MYO3A: variants seen among roughly 807,000 people sequenced by gnomAD.
The protein encoded by MYO3A is myosin IIIA, also known as myosin-IIIa.
In MYO3A, 180 loss-of-function variants were observed where a neutral mutation model predicts 192.7. That is an observed-to-expected ratio of 0.93 (90% CI 0.83 to 1.06). The LOEUF (loss-of-function observed/expected upper bound fraction) is 1.06. MYO3A is among the 50% of genes least tolerant of loss of function. The probability of loss-of-function intolerance (pLI) is 0.00; values close to 1 mark genes in which losing one functional copy is unlikely to be tolerated. For missense variants in MYO3A, 1,896 were observed against 1,905.0 expected (o/e 1.00, Z 0.09); for synonymous variants, 628 against 645.3 (o/e 0.97, Z 0.41).
chr10:25,987,937 A>G (rs1219887094), intron 4 of MYO3A, among the ~76,000 whole-genome samples: 1 of 152,244 alleles, frequency 6.6e-6, no homozygotes, highest in Non-Finnish European at 1.5e-5. Context: ...AATTGCAAAA[A>G]CATGGAACCA....
intron 31 of MYO3A, among the ~76,000 whole-genome samples, chr10:26,177,629 G>C (rs935056481): frequency 6.6e-6 from 1 of 152,180 alleles, no homozygotes; most frequent in Non-Finnish European, 1.5e-5. Flanking sequence ...TAAAGTTCAG[G>C]AGTCCCACGA....
intron 12 of MYO3A, among the ~76,000 whole-genome samples, chr10:26,069,365 G>C (rs1357311990): frequency 2.0e-5 from 3 of 151,962 alleles, no homozygotes; most frequent in Non-Finnish European, 4.4e-5. Context: ...CATGTTTTAT[G>C]AATATGAATA....
intron 17 of MYO3A, among the ~76,000 whole-genome samples, chr10:26,098,067 C>T (rs1324881101): frequency 6.6e-6 from 1 of 152,198 alleles, no homozygotes; most frequent in African/African-American, 2.4e-5. Context: ...TCCACATCCT[C>T]TCCAGCACCT....
At chr10:26,170,019 T>TA (rs923684125) in intron 28 of MYO3A, among the ~76,000 whole-genome samples, 2 of 152,098 alleles carry the variant, frequency 1.3e-5, no homozygotes, top group African/African-American at 4.8e-5. Context: ...TTCTAAAACT[T>TA]AAAAAAAATT....
rs762756894 is a variant in MYO3A, at chr10:26,021,613, C to G, written c.696C>G (p.Asp232Glu). Residue 232 changes from aspartate (D) to glutamate (E), a missense_variant, in exon 8 of 35, where the codon GAC (aspartate) becomes GAG (glutamate). Transcript: ENST00000642920. ...ELGDGDPPLA[D>E]LHPMRALFKI... is the part of the protein sequence containing the mutation. ...GTGATGGAGATCCTCCACTAGCTGA[C>G]CTTCATCCCATGAGAGCACTCTTCA... 9.3e-6 allele frequency: 15 copies of G among 1,613,980 alleles called. No individual in the cohort carries two copies. In the Admixed American group the frequency reaches 2.5e-4, roughly 27 times the overall value.
At chr10:25,958,592 T>A (rs931250976) in intron 4 of MYO3A, among the ~76,000 whole-genome samples, 11 of 152,210 alleles carry the variant, frequency 7.2e-5, no homozygotes, top group South Asian at 4.1e-4. Flanking sequence ...TGGTTCCACA[T>A]GAATTTTAAA....
At chr10:26,167,910 C>T (rs1178072359) in intron 27 of MYO3A, among the ~76,000 whole-genome samples, 1 of 152,128 alleles carries the variant, frequency 6.6e-6, no homozygotes, top group Non-Finnish European at 1.5e-5. Context: ...ATTCAATAAA[C>T]TCTTTGAGAT....
chr10:26,163,943 G>A (rs765641499), intron 26 of MYO3A, among the ~76,000 whole-genome samples: 6 of 152,014 alleles, frequency 3.9e-5, no homozygotes, highest in Non-Finnish European at 8.8e-5. Flanking sequence ...GGAGAGGCAG[G>A]GGACATTAGG....
At chr10:26,063,060 G>T (rs1834608766) in intron 10 of MYO3A, among the ~76,000 whole-genome samples, 1 of 152,142 alleles carries the variant, frequency 6.6e-6, no homozygotes, top group Non-Finnish European at 1.5e-5. Context: ...TCCTGCGGAG[G>T]GGTAAATAAT....
chr10:26,212,062 A>C lies in MYO3A; in HGVS notation c.*99A>C, dbSNP rs1466810526. Reference sequence around the variant, plus strand: ...TGGGGCTGGCACCAGCAGGCACTGAAGCTGCGGCCCTGATCTCCGCAGAGG... The same window carrying C: ...TGGGGCTGGCACCAGCAGGCACTGACGCTGCGGCCCTGATCTCCGCAGAGG... On this transcript the variant is annotated 3_prime_UTR_variant, in exon 35 of 35. Coordinates refer to ENST00000642920, the MANE Select transcript of MYO3A (RefSeq NM_017433.5). 6.7e-7 allele frequency: 1 copy of C among 1,491,304 alleles called. No homozygotes were observed. Among genetic ancestry groups the C allele is most frequent in the South Asian group, 1.3e-5 (1 of 76,742 alleles). The allele number at this position is 1,491,304 out of a possible 1,614,324, so 92.4% of individuals were successfully genotyped here. A position where few individuals can be genotyped will look rare whatever the true frequency, so the allele number is the denominator to read the frequency against.
chr10:26,004,978 A>T (rs2130955440), intron 6 of MYO3A, among the ~76,000 whole-genome samples: 1 of 152,300 alleles, frequency 6.6e-6, no homozygotes, highest in African/African-American at 2.4e-5. Flanking sequence ...TTCATCCAAA[A>T]ATTTCAATGG....
chr10:25,974,176 T>C (rs887098068), intron 4 of MYO3A, among the ~76,000 whole-genome samples: 3 of 152,078 alleles, frequency 2.0e-5, no homozygotes, highest in Admixed American at 2.0e-4. Flanking sequence ...GGGAAAAAAT[T>C]TTTGCAATCT....
At chr10:26,185,104 C>A (rs565500722) in intron 31 of MYO3A, among the ~76,000 whole-genome samples, 1 of 152,282 alleles carries the variant, frequency 6.6e-6, no homozygotes, top group East Asian at 1.9e-4. Context: ...TGGCTGGCCA[C>A]CTTGCATTGC....
intron 4 of MYO3A, among the ~76,000 whole-genome samples, chr10:25,978,946 T>C (rs1191522280): frequency 1.3e-5 from 2 of 152,184 alleles, no homozygotes; most frequent in Non-Finnish European, 2.9e-5. Context: ...TATTATTGCC[T>C]CTCGTCTGCT....
rs1011025741 is a variant in MYO3A at position 26,104,727 on chromosome 10, T to A, written c.1776+8045T>A. Among the ~76,000 whole-genome samples the A allele has an allele frequency of 2.2e-4, 34 of 151,962 alleles. 1 individual carries two copies. The highest frequency in any genetic ancestry group is 4.8e-5 in the African/African-American group (2 of 41,398). On this transcript the variant is annotated intron_variant, in intron 17 of 34. Transcript: ENST00000642920. ...TCAATTTCTAGCACCTTTAAAAAAA[T>A]TTTTTTGTTCAGCTCCCTCTTCCCC... is the stretch of plus-strand genomic sequence containing the variant.
chr10:26,212,064 C>T lies in MYO3A; in HGVS notation c.*101C>T. On this transcript the variant is annotated 3_prime_UTR_variant, in exon 35 of 35. Coordinates refer to ENST00000642920, the MANE Select transcript of MYO3A (RefSeq NM_017433.5). ...GGGCTGGCACCAGCAGGCACTGAAG[C>T]TGCGGCCCTGATCTCCGCAGAGGCT... 6.8e-7 allele frequency: 1 copy of T among 1,478,614 alleles called. No homozygotes were observed. Among genetic ancestry groups the T allele is most frequent in the Non-Finnish European group, 9.1e-7 (1 of 1,102,014 alleles). The allele number at this position is 1,478,614 out of a possible 1,614,324, so 91.6% of individuals were successfully genotyped here. A position where few individuals can be genotyped will look rare whatever the true frequency, so the allele number is the denominator to read the frequency against.
intron 34 of MYO3A, among the ~76,000 whole-genome samples, chr10:26,209,818 G>A (rs529432328): frequency 1.6e-4 from 25 of 152,210 alleles, no homozygotes; most frequent in South Asian, 1.2e-3. Flanking sequence ...TTCCTGGCCT[G>A]GCACTGTGGG....
At chr10:26,185,700 G>A (rs192928586) in intron 31 of MYO3A, among the ~76,000 whole-genome samples, 280 of 151,446 alleles carry the variant, frequency 1.8e-3, no homozygotes, top group African/African-American at 6.5e-3. Context: ...TTTTCTGTTT[G>A]CTCCCCTCTG....
chr10:25,943,418 AC>A (rs1836630455), intron 2 of MYO3A, among the ~76,000 whole-genome samples: 1 of 152,068 alleles, frequency 6.6e-6, no homozygotes, highest in Non-Finnish European at 1.5e-5. Context: ...TCTGCAAAAA[AC>A]ATTGGGATTT....
Sources: allele counts gnomAD v4.1 joint callset (sites outside exome capture counted in the v4.1 genomes callset), GRCh38; gene constraint gnomAD v4.1.1; transcripts MANE v1.5; gene names NCBI Gene and HGNC (gene_info 2026-07-23, HGNC 2026-07-21).